The following MLN variants were observed in gnomAD, a reference collection of about 807,000 sequenced individuals.
MLN encodes motilin.
A neutral mutation model predicts 13.3 loss-of-function variants in MLN; 14 were observed. That is an observed-to-expected ratio of 1.05 (90% CI 0.69 to 1.64). The LOEUF (loss-of-function observed/expected upper bound fraction) is 1.64, where lower values mean the gene tolerates loss of function less well. Among genes scored for constraint, MLN ranks in the 40% most tolerant of loss-of-function variants. MLN has a pLI of 0.00. For missense variants in MLN, 122 were observed against 142.9 expected (o/e 0.85, Z 0.75); for synonymous variants, 59 against 54.7 (o/e 1.08, Z -0.34).
rs765140400 is a variant in MLN, at chr6:33,801,088, A to G, written c.76T>C (p.Phe26Leu). 1.9e-6 allele frequency: 3 copies of G among 1,613,986 alleles called. No homozygotes were observed. The African/African-American group carries it at 4.0e-5, about 22-fold the overall frequency. Reference protein sequence around the residue: ...AAMLASQTEAFVPIFTYGELQ... With the variant: ...AAMLASQTEALVPIFTYGELQ... ...TCGCCATAGGTGAAGATGGGGACGA[A>G]GGCTTCCGTCTGGGAGGCCAGCATG... Residue 26 changes from phenylalanine (F) to leucine (L), a missense_variant, in exon 2 of 5, where the codon TTC becomes CTC. Coordinates refer to ENST00000430124, the MANE Select transcript of MLN (RefSeq NM_002418.3).
chr6:33,802,770 G>A (rs1292831317), intron 1 of MLN, among the ~76,000 whole-genome samples: 1 of 152,148 alleles, frequency 6.6e-6, no homozygotes, highest in African/African-American at 2.4e-5. Context: ...CTTGTGTGCA[G>A]CCCCAGAGGA....
At position 33,801,042 on chromosome 6, in the gene MLN, C is replaced by T; in HGVS notation, c.117+5G>A. On this transcript the variant is annotated splice_donor_5th_base_variant and intron_variant, in intron 2 of 4. Transcript: ENST00000430124. ...CTAGCAGGGCAGGCAGCAGGGGGTT[C>T]TTACCTGCATCCTCTGGAGTTCGCC... 1 of 1,608,744 alleles carries T rather than the reference C, an allele frequency of 6.2e-7. No homozygotes were observed. Among genetic ancestry groups the T allele is most frequent in the Non-Finnish European group, 8.5e-7 (1 of 1,175,206 alleles).
intron 1 of MLN, 46 bp from the exon 2 acceptor site, chr6:33,801,216 G>C: frequency 7.0e-7 from 1 of 1,429,150 alleles, no homozygotes; most frequent in Non-Finnish European, 9.9e-7. Flanking sequence ...GGGGTACAGT[G>C]GCAGACTGCT....
Position 33,794,847 on chromosome 6 carries a change from C to G in MLN, c.338-12G>C. On this transcript the variant is annotated splice_polypyrimidine_tract_variant and intron_variant, in intron 4 of 4. Coordinates refer to ENST00000430124, the MANE Select transcript of MLN (RefSeq NM_002418.3). ...CCATCACTTGGCTGCTGGAGAAAAG[C>G]AGAGGTTTGCGCTCAGTACCATCAT... is the stretch of plus-strand genomic sequence containing the variant. 6.2e-7 allele frequency: 1 copy of G among 1,613,632 alleles called. No homozygotes were observed. Among genetic ancestry groups the G allele is most frequent in the African/African-American group, 1.3e-5 (1 of 75,020 alleles).
At chr6:33,795,994 C>T in intron 3 of MLN, among the ~76,000 whole-genome samples, 1 of 137,728 alleles carries the variant, frequency 7.3e-6, no homozygotes, top group Non-Finnish European at 1.5e-5. Flanking sequence ...GAGTCTTGCT[C>T]TGTCGCCCAG....
At position 33,799,416 on chromosome 6, in the gene MLN, GC is replaced by G. The variant is rs1040747098; in HGVS notation, c.118-196del. Among the ~76,000 whole-genome samples the G allele has an allele frequency of 6.6e-6, 1 of 152,160 alleles. No individual in the cohort carries two copies. Among genetic ancestry groups the G allele is most frequent in the Non-Finnish European group, 1.5e-5 (1 of 68,022 alleles). On this transcript the variant is annotated intron_variant, in intron 2 of 4. Coordinates refer to ENST00000430124, the MANE Select transcript of MLN (RefSeq NM_002418.3). The surrounding 1 kb of genome is among the most constrained non-coding windows in gnomAD (Gnocchi z 4.6). ...TGGCTCATGGATGTCCCTTGAGGTTGCCCACCAAGGGCCTTGCTCTTCAAGG... is the reference window on the plus strand; with the variant it reads ...TGGCTCATGGATGTCCCTTGAGGTTGCCACCAAGGGCCTTGCTCTTCAAGG...
rs867799421 is a variant in MLN, at chr6:33,795,545, C to T, written c.295G>A (p.Ala99Thr). The change falls in exon 4 of 5, where the codon GCC (alanine) becomes ACC (threonine). Residue 99 changes from alanine (A) to threonine (T), a missense_variant. Transcript: ENST00000430124. The part of the protein sequence containing the change: ...MNSRQLEKYP[A>T]TLEGLLSEML... ...TCACTCAGCAGCCCTTCCAGGGTGG[C>T]CGGGTACTTTTCCAGCTGTCTGGAG... 1 of 1,567,270 alleles carries T rather than the reference C, an allele frequency of 6.4e-7. No homozygotes were observed. Among genetic ancestry groups the T allele is most frequent in the Non-Finnish European group, 8.7e-7 (1 of 1,154,494 alleles).
In MLN at chr6:33,799,035, C is replaced by T. The variant is rs1767987316; in HGVS notation, c.234+70G>A. The T allele has an allele frequency of 3.6e-6, 4 of 1,123,970 alleles. 1 individual carries two copies. The South Asian group carries it at 5.6e-5, about 16-fold the overall frequency. 69.6% of individuals were successfully genotyped at this position (1,123,970 alleles called of 1,614,324 possible). A position where few individuals can be genotyped will look rare whatever the true frequency, so the allele number is the denominator to read the frequency against. On this transcript the variant is annotated intron_variant, in intron 3 of 4. Coordinates refer to ENST00000430124, the MANE Select transcript of MLN (RefSeq NM_002418.3). This position sits in a 1 kb window ranked among gnomAD's most constrained non-coding sequence, Gnocchi z 4.6. ...GGCTCACTGTGGCTTGTGGGCTCTGCCTCCAGGCCAGGCAGGGGAATGCAT... is the reference window on the plus strand; with the variant it reads ...GGCTCACTGTGGCTTGTGGGCTCTGTCTCCAGGCCAGGCAGGGGAATGCAT...
intron 1 of MLN, among the ~76,000 whole-genome samples, chr6:33,801,582 C>T (rs1469932374): frequency 2.0e-5 from 3 of 152,206 alleles, no homozygotes; most frequent in Non-Finnish European, 2.9e-5. Flanking sequence ...GACCTCCCTG[C>T]CCCAGTGCCT....
rs1271635136 is a variant in MLN, at chr6:33,799,663, T to G, written c.118-442A>C. ...GGAACTCAGAGTCCCTGGGAGGTGA[T>G]TTATAAGAGGCAAGACAAGAGATAA... On this transcript the variant is annotated intron_variant, in intron 2 of 4. Transcript: ENST00000430124. The surrounding 1 kb of genome is among the most constrained non-coding windows in gnomAD (Gnocchi z 4.6). 6.6e-6 allele frequency among the ~76,000 whole-genome samples: 1 copy of G among 152,070 alleles called. No individual in the cohort carries two copies. Among genetic ancestry groups the G allele is most frequent in the Non-Finnish European group, 1.5e-5 (1 of 68,016 alleles).
At chr6:33,798,818 C>T (rs1368730807) in intron 3 of MLN, among the ~76,000 whole-genome samples, 1 of 152,224 alleles carries the variant, frequency 6.6e-6, no homozygotes, top group Non-Finnish European at 1.5e-5. Flanking sequence ...AATGTCACCT[C>T]CTCCAAGAGG....
intron 4 of MLN, among the ~76,000 whole-genome samples, chr6:33,795,190 A>C (rs1174690937): frequency 6.6e-6 from 1 of 152,220 alleles, no homozygotes; most frequent in Non-Finnish European, 1.5e-5. Flanking sequence ...TGCAGAATGA[A>C]TGGGGGAAGG....
At chr6:33,800,295 T>C (rs1423667612) in intron 2 of MLN, among the ~76,000 whole-genome samples, 1 of 152,212 alleles carries the variant, frequency 6.6e-6, no homozygotes, top group East Asian at 1.9e-4. Flanking sequence ...AACATCTGCA[T>C]AGATACTCAG....
At chr6:33,800,829 A>C (rs555037185) in intron 2 of MLN, among the ~76,000 whole-genome samples, 5 of 152,296 alleles carry the variant, frequency 3.3e-5, no homozygotes, top group African/African-American at 9.6e-5. Flanking sequence ...GTTAATTTAA[A>C]ATTTCCTCCA....
chr6:33,801,317 CT>C (rs1185154949), intron 1 of MLN, 147 bp from the exon 2 acceptor site: 1 of 642,218 alleles, frequency 1.6e-6, no homozygotes, highest in Non-Finnish European at 2.8e-6. Context: ...GGATTTGGGC[CT>C]GGTATCAGAG....
rs1767896765 is a variant in MLN at position 33,795,608 on chromosome 6, G to A, written c.235-3C>T. ...CCAATTTCCAGAGGAGCAGTCAGCT[G>A]TGAAATAAGGCAGCGTTAACAACGA... On this transcript the variant is annotated splice_polypyrimidine_tract_variant and splice_region_variant and intron_variant, in intron 3 of 4. Transcript: ENST00000430124. The A allele has an allele frequency of 6.4e-7, 1 of 1,553,874 alleles. No individual in the cohort carries two copies. The highest frequency in any genetic ancestry group is 8.7e-7 in the Non-Finnish European group (1 of 1,147,800).
At chr6:33,797,226 C>T (rs1431948460) in intron 3 of MLN, among the ~76,000 whole-genome samples, 6 of 152,208 alleles carry the variant, frequency 3.9e-5, no homozygotes, top group Admixed American at 2.6e-4. Context: ...AGTCTTCTCG[C>T]CCCTCAGGCC....
Position 33,799,093 on chromosome 6 carries a change from T to C in MLN, c.234+12A>G. 5 of 1,577,312 alleles carry C rather than the reference T, an allele frequency of 3.2e-6. No homozygotes were observed. The highest frequency in any genetic ancestry group is 4.4e-6 in the Non-Finnish European group (5 of 1,148,382). Reference sequence around the variant, plus strand: ...TCTGAGTTTCTCTCCTTTGTCCCAGTTGTCTGCTCACCTTGATCATTTCGT... The same window carrying C: ...TCTGAGTTTCTCTCCTTTGTCCCAGCTGTCTGCTCACCTTGATCATTTCGT... On this transcript the variant is annotated intron_variant, in intron 3 of 4. Coordinates refer to ENST00000430124, the MANE Select transcript of MLN (RefSeq NM_002418.3). The surrounding 1 kb of genome is among the most constrained non-coding windows in gnomAD (Gnocchi z 4.6).
rs1266026879 is a variant in MLN, at chr6:33,801,068, A to G, written c.96T>C (p.Tyr32=). The G allele has an allele frequency of 6.2e-7, 1 of 1,613,898 alleles. No homozygotes were observed. Among genetic ancestry groups the G allele is most frequent in the Non-Finnish European group, 8.5e-7 (1 of 1,179,926 alleles). ...QTEAFVPIFT[Y]GELQRMQEKE... is the part of the protein sequence containing the mutation. Reference sequence around the variant, plus strand: ...TTACCTGCATCCTCTGGAGTTCGCCATAGGTGAAGATGGGGACGAAGGCTT... The same window carrying G: ...TTACCTGCATCCTCTGGAGTTCGCCGTAGGTGAAGATGGGGACGAAGGCTT... Residue 32 remains tyrosine (Y), a synonymous_variant, in exon 2 of 5, where the codon TAT becomes TAC. Transcript: ENST00000430124.
Sources: allele counts gnomAD v4.1 joint callset (sites outside exome capture counted in the v4.1 genomes callset), GRCh38; gene constraint gnomAD v4.1.1; non-coding constraint Gnocchi (gnomAD v3.1); transcripts MANE v1.5; gene names NCBI Gene and HGNC (gene_info 2026-07-23, HGNC 2026-07-21).